The following GPAT3 variants were observed in gnomAD, a reference collection of about 807,000 sequenced individuals.
GPAT3 encodes 1-AGP acyltransferase 9.
A neutral mutation model predicts 58.8 loss-of-function variants in GPAT3; 53 were observed. That is an observed-to-expected ratio of 0.90 (90% CI 0.72 to 1.13). The LOEUF is 1.13. GPAT3 is among the 50% of genes most tolerant of loss of function. The pLI, the probability that GPAT3 is intolerant of heterozygous loss-of-function variation, is 0.00. For missense variants in GPAT3, 511 were observed against 527.6 expected (o/e 0.97, Z 0.31); for synonymous variants, 197 against 187.4 (o/e 1.05, Z -0.42).
chr4:83,604,862 T>C lies in GPAT3; in HGVS notation c.*95T>C. ...TGTTTTATTGTTTTGTTTTTATTAT[T>C]GTTAATCTTTTCTACAGAATGATTG... On this transcript the variant is annotated 3_prime_UTR_variant, in exon 12 of 12. Transcript: ENST00000264409. 9.7e-7 allele frequency: 1 copy of C among 1,026,574 alleles called. No individual in the cohort carries two copies. Among genetic ancestry groups the C allele is most frequent in the Admixed American group, 2.5e-5 (1 of 39,628 alleles). 63.6% of individuals were successfully genotyped at this position (1,026,574 alleles called of 1,614,324 possible).
intron 2 of GPAT3, among the ~76,000 whole-genome samples, chr4:83,549,445 G>A (rs981436548): frequency 1.3e-4 from 8 of 63,500 alleles, no homozygotes; most frequent in East Asian, 9.8e-4. Flanking sequence ...TTTATTTTGC[G>A]TGTGTGTGTG....
intron 5 of GPAT3, among the ~76,000 whole-genome samples, chr4:83,588,993 T>G (rs747643086): frequency 4.6e-5 from 7 of 152,260 alleles, no homozygotes; most frequent in Non-Finnish European, 1.0e-4. Flanking sequence ...GATTTGGTCT[T>G]TCTTTCTCAT....
intron 2 of GPAT3, among the ~76,000 whole-genome samples, chr4:83,562,172 T>TTATATATTATATATATATATATATA (rs1725148507): frequency 1.8e-5 from 1 of 55,448 alleles, no homozygotes; most frequent in African/African-American, 1.1e-4. Flanking sequence ...TCTAGTTATT[T>TTATATATTATATATATATATATATA]TATATATTAT....
chr4:83,598,750 ACTTT>A, intron 11 of GPAT3, 27 bp downstream of exon 11: 2 of 256,744 alleles, frequency 7.8e-6, no homozygotes, highest in East Asian at 8.5e-5. Context: ...AAGTACTATC[ACTTT>A]TTTTTTTTTT....
intron 2 of GPAT3, among the ~76,000 whole-genome samples, chr4:83,550,799 T>C (rs1008620548): frequency 4.6e-5 from 7 of 152,222 alleles, no homozygotes; most frequent in Non-Finnish European, 4.4e-5. Context: ...GTTGGAAATA[T>C]GAAAGTTTTT....
chr4:83,595,826 G>A (rs1019882937), intron 7 of GPAT3, among the ~76,000 whole-genome samples: 1 of 152,176 alleles, frequency 6.6e-6, no homozygotes, highest in Non-Finnish European at 1.5e-5. Context: ...CTTTTGGCCC[G>A]AGGCCTTTAA....
intron 1 of GPAT3, among the ~76,000 whole-genome samples, chr4:83,542,369 T>G (rs1448727622): frequency 1.3e-5 from 2 of 152,232 alleles, no homozygotes; most frequent in African/African-American, 4.8e-5. Context: ...TGAGAACTCC[T>G]GCACTAAATC....
chr4:83,574,076 A>G (rs1198971608), intron 2 of GPAT3, among the ~76,000 whole-genome samples: 1 of 152,310 alleles, frequency 6.6e-6, no homozygotes, highest in East Asian at 1.9e-4. Flanking sequence ...AGTTAGGCTT[A>G]TGACTGGGTG....
intron 2 of GPAT3, among the ~76,000 whole-genome samples, chr4:83,547,538 T>C (rs501368): frequency 0.018 from 2,675 of 151,848 alleles, 76 homozygotes; most frequent in African/African-American, 0.059. Flanking sequence ...AGGCGTGAGC[T>C]ACTGCGCCTG....
intron 7 of GPAT3, chr4:83,595,450 G>A (rs1173040854): frequency 6.6e-6 from 1 of 152,484 alleles, no homozygotes; most frequent in African/African-American, 2.4e-5. Flanking sequence ...AGCTGGGCAT[G>A]GTGGCTGACG....
Position 83,605,514 on chromosome 4 carries a change from G to A in GPAT3, c.*747G>A, listed in dbSNP as rs2110115259. 1.3e-5 allele frequency: 2 copies of A among 150,626 alleles called. No individual in the cohort carries two copies. The highest frequency in any genetic ancestry group is 4.2e-4 in the South Asian group (2 of 4,712). The allele number at this position is 150,626 out of a possible 1,614,324, so 9.3% of individuals were successfully genotyped here. ...CCCATCTACTGATTTGTTTGTTTTT[G>A]TAACCAAACACATTTTCAGATAGAA... On this transcript the variant is annotated 3_prime_UTR_variant, in exon 12 of 12. Coordinates refer to ENST00000264409, the MANE Select transcript of GPAT3 (RefSeq NM_032717.5).
chr4:83,561,319 A>G (rs990487394), intron 2 of GPAT3, among the ~76,000 whole-genome samples: 1 of 152,206 alleles, frequency 6.6e-6, no homozygotes, highest in Non-Finnish European at 1.5e-5. Flanking sequence ...GCTATATAAC[A>G]TGCTTGGTAG....
intron 2 of GPAT3, 103 bp downstream of exon 2, chr4:83,544,705 G>A: frequency 2.8e-6 from 3 of 1,077,890 alleles, no homozygotes; most frequent in Non-Finnish European, 4.2e-6. Flanking sequence ...GTGTTCTATA[G>A]GGTTTGGATC....
chr4:83,580,583 G>A (rs1172109611), intron 2 of GPAT3, among the ~76,000 whole-genome samples: 1 of 152,016 alleles, frequency 6.6e-6, no homozygotes, highest in Admixed American at 6.6e-5. Context: ...TACTACTTCC[G>A]TACTTGTACA....
intron 2 of GPAT3, among the ~76,000 whole-genome samples, chr4:83,563,420 T>A (rs1725253574): frequency 6.6e-6 from 1 of 152,086 alleles, no homozygotes; most frequent in African/African-American, 2.4e-5. Flanking sequence ...CTTTATGCTA[T>A]TACATTACAA....
At chr4:83,551,850 G>A (rs1578165802) in intron 2 of GPAT3, among the ~76,000 whole-genome samples, 1 of 110,738 alleles carries the variant, frequency 9.0e-6, no homozygotes, top group Non-Finnish European at 1.8e-5. Context: ...CTATCTATCT[G>A]AAGCAAATAT....
intron 11 of GPAT3, among the ~76,000 whole-genome samples, chr4:83,604,174 C>T (rs542069935): frequency 6.6e-6 from 1 of 152,088 alleles, no homozygotes; most frequent in Non-Finnish European, 1.5e-5. Context: ...CGGGTTCAAG[C>T]GATTCTCCTG....
intron 2 of GPAT3, among the ~76,000 whole-genome samples, chr4:83,553,784 G>T (rs1051756974): frequency 1.3e-5 from 2 of 151,848 alleles, no homozygotes; most frequent in Non-Finnish European, 2.9e-5. Context: ...GTCTGAGGTG[G>T]GAAGATCTCT....
intron 2 of GPAT3, among the ~76,000 whole-genome samples, chr4:83,546,892 G>T (rs1724539856): frequency 6.6e-6 from 1 of 152,084 alleles, no homozygotes; most frequent in African/African-American, 2.4e-5. Context: ...TTTCGTGCTT[G>T]GGTATCCAGG....
Sources: allele counts gnomAD v4.1 joint callset (sites outside exome capture counted in the v4.1 genomes callset), GRCh38; gene constraint gnomAD v4.1.1; transcripts MANE v1.5; gene names NCBI Gene and HGNC (gene_info 2026-07-23, HGNC 2026-07-21).